SSH1: variants seen among roughly 807,000 people sequenced by gnomAD.
SSH1 encodes slingshot protein phosphatase 1.
Under a neutral mutation model 79.7 loss-of-function variants are expected in SSH1, and 43 were observed. The observed-to-expected ratio is 0.54, with a 90% CI of 0.42 to 0.70. The LOEUF is 0.70. Among genes scored for constraint, SSH1 ranks in the 30% least tolerant of loss-of-function variants. The pLI is 0.00. For synonymous variants in SSH1, 599 were observed against 538.3 expected, an observed-to-expected ratio of 1.11 and a Z score of -1.56; for missense variants, 1,206 against 1,358.8, an observed-to-expected ratio of 0.89 and a Z score of 1.77.
intron 2 of SSH1, among the ~76,000 whole-genome samples, chr12:108,843,216 G>A (rs547509945): frequency 6.6e-6 from 1 of 152,266 alleles, no homozygotes; most frequent in South Asian, 2.1e-4. Context: ...GAGGGGTCTT[G>A]AGACTGATCT....
At position 108,782,441 on chromosome 12, in the gene SSH1, ACCCACAGGTGGG is replaced by A. The variant is rs2036158635; in HGVS notation, c.*5535_*5546del. ...TTTTTTTTTTGGTACACAAAGGACC[ACCCACAGGTGGG>A]CCTGTTCTTGCTTACTGACAAAATT... On this transcript the variant is annotated 3_prime_UTR_variant, in exon 15 of 15. Coordinates refer to ENST00000326495, the MANE Select transcript of SSH1 (RefSeq NM_018984.4). 6.6e-6 allele frequency: 1 copy of A among 152,016 alleles called. No homozygotes were observed. Among genetic ancestry groups the A allele is most frequent in the African/African-American group, 2.4e-5 (1 of 41,410 alleles). 9.4% of individuals were successfully genotyped at this position (152,016 alleles called of 1,614,324 possible).
rs1438942355 is a variant in SSH1 at position 108,789,151 on chromosome 12, C to T, written c.1987G>A (p.Ala663Thr). 6.2e-7 allele frequency: 1 copy of T among 1,613,114 alleles called. No homozygotes were observed. The highest frequency in any genetic ancestry group is 1.1e-5 in the South Asian group (1 of 90,954). Residue 663 changes from alanine to threonine, a missense_variant, in exon 15 of 15, where the codon GCC (alanine) becomes ACC (threonine). Ala to Thr is a moderately conservative substitution (Grantham distance 58). Around this residue, in one of 5 missense-constraint regions of SSH1, gnomAD observed 709 missense variants for 730.6 expected, o/e 0.97. Transcript: ENST00000326495. ...GGGTCCTCACATCGCTCCCTGGAGGCCTCAGGAGCCCCGCTGGCTGTAGGG... is the reference window on the plus strand; with the variant it reads ...GGGTCCTCACATCGCTCCCTGGAGGTCTCAGGAGCCCCGCTGGCTGTAGGG... ...MYPTASGAPE[A>T]SRERCEDPNA... is the part of the protein sequence containing the mutation.
At chr12:108,843,778 G>A (rs948140467) in intron 2 of SSH1, among the ~76,000 whole-genome samples, 6 of 152,010 alleles carry the variant, frequency 3.9e-5, no homozygotes, top group African/African-American at 1.4e-4. Context: ...CAAGTGATCC[G>A]CCCGCCTCGG....
chr12:108,838,138 C>G (rs368723381), intron 2 of SSH1, among the ~76,000 whole-genome samples: 2 of 152,258 alleles, frequency 1.3e-5, no homozygotes, highest in South Asian at 4.2e-4. Flanking sequence ...TGGTAAAACA[C>G]GACCTGTAAT....
intron 13 of SSH1, among the ~76,000 whole-genome samples, chr12:108,798,690 C>T (rs959168203): frequency 4.6e-5 from 7 of 152,230 alleles, no homozygotes; most frequent in East Asian, 3.8e-4. Flanking sequence ...GAGATGCGCA[C>T]GTGCTTACGC....
At chr12:108,815,236 G>A (rs2037829941) in intron 5 of SSH1, among the ~76,000 whole-genome samples, 1 of 152,210 alleles carries the variant, frequency 6.6e-6, no homozygotes, top group South Asian at 2.1e-4. Context: ...AATCACTGCA[G>A]CCTCGTGAGC....
At chr12:108,808,910 G>A (rs1431860545) in intron 7 of SSH1, among the ~76,000 whole-genome samples, 2 of 145,894 alleles carry the variant, frequency 1.4e-5, no homozygotes, top group African/African-American at 2.5e-5. Context: ...CTCGGTTCAC[G>A]GCAACCTCCA....
chr12:108,836,285 A>C (rs142973814), intron 2 of SSH1, among the ~76,000 whole-genome samples: 4 of 152,262 alleles, frequency 2.6e-5, no homozygotes, highest in Non-Finnish European at 4.4e-5. Context: ...ACGTACATAC[A>C]AATGTTCCCT....
intron 2 of SSH1, 78 bp downstream of exon 2, chr12:108,852,559 TC>T (rs1272058571): frequency 1.3e-6 from 2 of 1,577,294 alleles, no homozygotes; most frequent in Non-Finnish European, 1.7e-6. Context: ...TTGAACGTTT[TC>T]CCTTTGGGAG....
At chr12:108,789,848 G>A (rs1197332643) in intron 14 of SSH1, among the ~76,000 whole-genome samples, 3 of 152,134 alleles carry the variant, frequency 2.0e-5, no homozygotes, top group Non-Finnish European at 4.4e-5. Context: ...GGGCAACAGG[G>A]CTCTGTCTCT....
intron 8 of SSH1, among the ~76,000 whole-genome samples, chr12:108,806,790 C>T (rs145561126): frequency 3.3e-5 from 5 of 152,310 alleles, no homozygotes; most frequent in African/African-American, 7.2e-5. Flanking sequence ...TCCCATTATC[C>T]CCTTTTTCCT....
intron 2 of SSH1, among the ~76,000 whole-genome samples, chr12:108,840,269 T>C (rs2038744650): frequency 6.6e-6 from 1 of 152,062 alleles, no homozygotes; most frequent in East Asian, 1.9e-4. Context: ...CAGTGGCTCA[T>C]GCCTGTAATC....
chr12:108,810,517 G>A (rs1028514568), intron 6 of SSH1, among the ~76,000 whole-genome samples: 26 of 151,322 alleles, frequency 1.7e-4, no homozygotes, highest in Non-Finnish European at 7.4e-5. Flanking sequence ...GTGAGACTCC[G>A]TTGAAAAAAA....
At chr12:108,848,434 C>A (rs2038948332) in intron 2 of SSH1, among the ~76,000 whole-genome samples, 1 of 152,160 alleles carries the variant, frequency 6.6e-6, no homozygotes, top group Non-Finnish European at 1.5e-5. Flanking sequence ...CCCTACAGCA[C>A]CTCCTAGAGA....
intron 13 of SSH1, among the ~76,000 whole-genome samples, chr12:108,795,665 G>A (rs2036718739): frequency 6.6e-6 from 1 of 151,950 alleles, no homozygotes; most frequent in Non-Finnish European, 1.5e-5. Flanking sequence ...AGACCAGCCT[G>A]GGCAACATAC....
At chr12:108,839,690 G>GA (rs111512016) in intron 2 of SSH1, among the ~76,000 whole-genome samples, 3,000 of 147,832 alleles carry the variant, frequency 0.02, 41 homozygotes, top group East Asian at 0.059. Context: ...AGAAAAGAAA[G>GA]AAAAAAAAAA....
At chr12:108,838,973 G>A (rs2038710197) in intron 2 of SSH1, among the ~76,000 whole-genome samples, 1 of 152,050 alleles carries the variant, frequency 6.6e-6, no homozygotes, top group African/African-American at 2.4e-5. Context: ...TTCGTGTCCC[G>A]ATTTTCTCAC....
At chr12:108,854,746 T>A (rs375411268) in intron 1 of SSH1, among the ~76,000 whole-genome samples, 1 of 152,166 alleles carries the variant, frequency 6.6e-6, no homozygotes, top group Admixed American at 6.5e-5. Context: ...GGAAACTACA[T>A]CTGCCAAGGA....
Position 108,810,819 on chromosome 12 carries a change from C to T in SSH1, c.470+441G>A, listed in dbSNP as rs1049838400. On this transcript the variant is annotated intron_variant, in intron 6 of 14. Transcript: ENST00000326495. Reference sequence around the variant, plus strand: ...ACTGGTTCATTCCTCCTTTGTGGCCCCCAGGGTGGCGCTTGAAACCTTGTT... The same window carrying T: ...ACTGGTTCATTCCTCCTTTGTGGCCTCCAGGGTGGCGCTTGAAACCTTGTT... Among the ~76,000 whole-genome samples the T allele has an allele frequency of 5.9e-5, 9 of 152,218 alleles. 1 individual carries two copies. Among genetic ancestry groups the T allele is most frequent in the South Asian group, 4.1e-4 (2 of 4,830 alleles).
Sources: gnomAD v4.1 joint callset for allele counts (sites outside exome capture counted in the v4.1 genomes callset) on GRCh38, gnomAD v4.1.1 for gene constraint, gnomAD v4.1.1 regional missense constraint, MANE v1.5 for transcripts, NCBI Gene and HGNC (gene_info 2026-07-23, HGNC 2026-07-21) for gene names.